ARHGAP28: variants seen among roughly 807,000 people sequenced by gnomAD.
The protein encoded by ARHGAP28 is rho GTPase-activating protein 28.
A neutral mutation model predicts 90.7 loss-of-function variants in ARHGAP28; 56 were observed. That is an observed-to-expected ratio of 0.62 (90% CI 0.50 to 0.77). The LOEUF is 0.77. ARHGAP28 is among the 30% of genes least tolerant of loss of function. The probability of loss-of-function intolerance (pLI) is 0.00; values close to 1 mark genes in which losing one functional copy is unlikely to be tolerated. For missense variants in ARHGAP28, 869 were observed against 900.9 expected, an observed-to-expected ratio of 0.96 and a Z score of 0.45; for synonymous variants, 308 against 323.3, an observed-to-expected ratio of 0.95 and a Z score of 0.51.
At chr18:6,840,615 T>C (rs1355311960) in intron 3 of ARHGAP28, among the ~76,000 whole-genome samples, 1 of 152,072 alleles carries the variant, frequency 6.6e-6, no homozygotes, top group East Asian at 1.9e-4. Context: ...CAGGGTGCAT[T>C]TGTGGTGAGG....
chr18:6,834,177 A>AT (rs1031703205), intron 2 of ARHGAP28, among the ~76,000 whole-genome samples: 4 of 151,818 alleles, frequency 2.6e-5, no homozygotes, highest in African/African-American at 7.3e-5. Context: ...AAAAAGCAGA[A>AT]TTTTTTTTCT....
In ARHGAP28 at chr18:6,868,137, C is replaced by A; in HGVS notation, c.727-13C>A. 1 of 1,610,158 alleles carries A rather than the reference C, an allele frequency of 6.2e-7. No homozygotes were observed. Among genetic ancestry groups the A allele is most frequent in the South Asian group, 1.1e-5 (1 of 90,928 alleles). On this transcript the variant is annotated splice_polypyrimidine_tract_variant and intron_variant, in intron 5 of 17. Transcript: ENST00000383472. Reference sequence around the variant, plus strand: ...GGTAAAATGTTTTGTGTTCATCTTCCTTTGCTTGGCAGGCTATACTTGAGA... The same window carrying A: ...GGTAAAATGTTTTGTGTTCATCTTCATTTGCTTGGCAGGCTATACTTGAGA...
chr18:6,858,882 A>AAT (rs397950794), intron 4 of ARHGAP28, among the ~76,000 whole-genome samples: 1 of 151,892 alleles, frequency 6.6e-6, no homozygotes, highest in Non-Finnish European at 1.5e-5. Flanking sequence ...AAAAAAAAAA[A>AAT]GATCTTTGTT....
At chr18:6,870,297 C>A (rs1467204283) in intron 6 of ARHGAP28, among the ~76,000 whole-genome samples, 1 of 152,124 alleles carries the variant, frequency 6.6e-6, no homozygotes, top group Non-Finnish European at 1.5e-5. Flanking sequence ...TTTGGACTTT[C>A]TTTTAATAAT....
At chr18:6,891,723 G>GACT (rs1465351989) in intron 14 of ARHGAP28, among the ~76,000 whole-genome samples, 7 of 152,088 alleles carry the variant, frequency 4.6e-5, no homozygotes, top group Non-Finnish European at 8.8e-5. Flanking sequence ...CAGTAGCTAG[G>GACT]ACTACAGATG....
At chr18:6,788,446 G>GT (rs143242946) in intron 1 of ARHGAP28, 3,183 of 151,898 alleles carry the variant, frequency 0.021, 116 homozygotes, top group African/African-American at 0.073. Context: ...TTTTCTTTTT[G>GT]TTTTTTTGTT....
intron 7 of ARHGAP28, among the ~76,000 whole-genome samples, chr18:6,871,221 G>A (rs1158428402): frequency 6.6e-6 from 1 of 152,230 alleles, no homozygotes; most frequent in Non-Finnish European, 1.5e-5. Flanking sequence ...TGCACAGCCT[G>A]CCTGGCTGTA....
chr18:6,855,035 C>T (rs148537820), intron 4 of ARHGAP28, among the ~76,000 whole-genome samples: 1,949 of 152,314 alleles, frequency 0.013, 23 homozygotes, highest in Non-Finnish European at 0.019. Context: ...GGAGGGAGGC[C>T]GAGGTGGGTG....
chr18:6,910,329 G>C (rs972214297), intron 17 of ARHGAP28, among the ~76,000 whole-genome samples: 4 of 152,238 alleles, frequency 2.6e-5, no homozygotes, highest in African/African-American at 7.2e-5. Context: ...TTCAGTCCTC[G>C]GAACTCTCCT....
intron 1 of ARHGAP28, among the ~76,000 whole-genome samples, chr18:6,792,116 T>G (rs999726078): frequency 6.6e-6 from 1 of 152,158 alleles, no homozygotes; most frequent in African/African-American, 2.4e-5. Context: ...AATTAATTTG[T>G]AGATTCAGAA....
intron 1 of ARHGAP28, among the ~76,000 whole-genome samples, chr18:6,772,303 T>C (rs1010352408): frequency 6.6e-6 from 1 of 152,224 alleles, no homozygotes; most frequent in Non-Finnish European, 1.5e-5. Flanking sequence ...TAAGGTCATA[T>C]TTATTACATT....
intron 1 of ARHGAP28, among the ~76,000 whole-genome samples, chr18:6,803,447 G>A (rs927824572): frequency 3.3e-5 from 5 of 151,970 alleles, no homozygotes; most frequent in African/African-American, 7.3e-5. Flanking sequence ...TGGTTATGAT[G>A]CATTATATTT....
chr18:6,820,380 T>C (rs2056618653), intron 1 of ARHGAP28, among the ~76,000 whole-genome samples: 1 of 150,730 alleles, frequency 6.6e-6, no homozygotes, highest in African/African-American at 2.4e-5. Context: ...AGAGAGAGAG[T>C]TGGGGGAGGG....
intron 14 of ARHGAP28, among the ~76,000 whole-genome samples, chr18:6,892,467 A>G (rs1274846791): frequency 1.3e-5 from 2 of 152,200 alleles, no homozygotes; most frequent in East Asian, 3.9e-4. Flanking sequence ...ACTTTTTCTG[A>G]TAAGTCCAAT....
intron 10 of ARHGAP28, among the ~76,000 whole-genome samples, chr18:6,881,587 G>A (rs964541587): frequency 2.0e-5 from 3 of 152,286 alleles, no homozygotes; most frequent in East Asian, 3.9e-4. Flanking sequence ...CATGTGGAAG[G>A]CATGTGTCTG....
At chr18:6,774,551 G>T (rs2143432796) in intron 1 of ARHGAP28, among the ~76,000 whole-genome samples, 1 of 152,306 alleles carries the variant, frequency 6.6e-6, no homozygotes, top group African/African-American at 2.4e-5. Context: ...GGTTAAAAAT[G>T]AATTGCTTAG....
At chr18:6,866,551 G>A (rs956269842) in intron 5 of ARHGAP28, among the ~76,000 whole-genome samples, 3 of 151,968 alleles carry the variant, frequency 2.0e-5, no homozygotes, top group Admixed American at 6.6e-5. Context: ...CCTCTCAATC[G>A]CTCTCCAATA....
chr18:6,890,358 C>T, intron 13 of ARHGAP28, 72 bp from the exon 14 acceptor site: 1 of 986,542 alleles, frequency 1.0e-6, no homozygotes, highest in South Asian at 1.5e-5. Flanking sequence ...AGTTGCCATG[C>T]CTGAAGACAA....
At position 6,882,709 on chromosome 18, in the gene ARHGAP28, C is replaced by A. The variant is rs545228311; in HGVS notation, c.1453+410C>A. 5.9e-5 allele frequency among the ~76,000 whole-genome samples: 9 copies of A among 152,286 alleles called. No individual in the cohort carries two copies. In the East Asian group the frequency reaches 1.7e-3, roughly 29 times the overall value. On this transcript the variant is annotated intron_variant, in intron 11 of 17. Coordinates refer to ENST00000383472, the MANE Select transcript of ARHGAP28 (RefSeq NM_001366230.1). ...TGTGATAATGCATCAAAAAATACGACATCACTGCCTTTCTTAAATCTGAGG... is the reference window on the plus strand; with the variant it reads ...TGTGATAATGCATCAAAAAATACGAAATCACTGCCTTTCTTAAATCTGAGG...
Sources: allele counts gnomAD v4.1 joint callset (sites outside exome capture counted in the v4.1 genomes callset), GRCh38; gene constraint gnomAD v4.1.1; transcripts MANE v1.5; gene names NCBI Gene and HGNC (gene_info 2026-07-23, HGNC 2026-07-21).